SPECC1: variants seen among roughly 807,000 people sequenced by gnomAD.
SPECC1 encodes the protein sperm antigen with calponin homology and coiled-coil domains 1.
SPECC1 carries 62 observed loss-of-function variants against 104.1 expected under a neutral mutation model. That is an observed-to-expected ratio of 0.60 (90% CI 0.49 to 0.74). SPECC1 has a LOEUF of 0.74. SPECC1 is among the 30% of genes least tolerant of loss of function. The probability of loss-of-function intolerance (pLI) is 0.00; values close to 1 mark genes in which losing one functional copy is unlikely to be tolerated. For missense variants in SPECC1, 1,306 were observed against 1,310.5 expected (o/e 1.00, Z 0.05); for synonymous variants, 513 against 501.6 (o/e 1.02, Z -0.30).
chr17:20,203,987 A>T (rs59414058), intron 3 of SPECC1, among the ~76,000 whole-genome samples: 1 of 152,128 alleles, frequency 6.6e-6, no homozygotes, highest in Non-Finnish European at 1.5e-5. Context: ...CCACACCTAC[A>T]CATTTTCTCA....
At chr17:20,258,690 C>CTTTATG (rs2039920751) in intron 11 of SPECC1, among the ~76,000 whole-genome samples, 1 of 152,234 alleles carries the variant, frequency 6.6e-6, no homozygotes, top group Non-Finnish European at 1.5e-5. Flanking sequence ...GATTGCAAGT[C>CTTTATG]TTTATGTATA....
intron 1 of SPECC1, among the ~76,000 whole-genome samples, chr17:20,023,446 G>A (rs2044474343): frequency 6.6e-6 from 1 of 152,180 alleles, no homozygotes; most frequent in South Asian, 2.1e-4. Flanking sequence ...TAATGTCTGG[G>A]TGGGGAGACA....
In SPECC1 at chr17:20,212,014, G is replaced by A. The variant is rs190457529; in HGVS notation, c.1863+6102G>A. ...GCGTGGGGCCTTGTTGCTTCGAAAGGTCCCTACCAGGGTACAGCCACTGCT... is the reference window on the plus strand; with the variant it reads ...GCGTGGGGCCTTGTTGCTTCGAAAGATCCCTACCAGGGTACAGCCACTGCT... On this transcript the variant is annotated intron_variant, in intron 4 of 14. Transcript: ENST00000395527. Among the ~76,000 whole-genome samples the A allele has an allele frequency of 7.6e-3, 1,160 of 152,294 alleles. 17 individuals are homozygous for A. Among genetic ancestry groups the A allele is most frequent in the African/African-American group, 0.027 (1,105 of 41,554 alleles).
At chr17:20,093,580 G>A (rs1263451434) in intron 1 of SPECC1, among the ~76,000 whole-genome samples, 1 of 152,152 alleles carries the variant, frequency 6.6e-6, no homozygotes, top group Non-Finnish European at 1.5e-5. Flanking sequence ...GAGGGATGTA[G>A]AAGTGGTGGG....
chr17:20,167,434 C>A (rs1021120430), intron 3 of SPECC1, among the ~76,000 whole-genome samples: 8 of 152,134 alleles, frequency 5.3e-5, no homozygotes, highest in African/African-American at 1.9e-4. Flanking sequence ...AATCCTAGCA[C>A]TTTGGGAGGC....
chr17:20,292,659 T>G (rs2041211706), intron 12 of SPECC1, among the ~76,000 whole-genome samples: 1 of 152,156 alleles, frequency 6.6e-6, no homozygotes, highest in Non-Finnish European at 1.5e-5. Context: ...TGTCCAGGTT[T>G]CATCAGGTAG....
intron 4 of SPECC1, among the ~76,000 whole-genome samples, chr17:20,224,830 C>G (rs1418782405): frequency 2.6e-5 from 4 of 151,942 alleles, no homozygotes; most frequent in African/African-American, 9.7e-5. Flanking sequence ...AGATGAAGTC[C>G]CCTTTACTCT....
At chr17:20,139,934 A>G (rs1164616744) in intron 3 of SPECC1, among the ~76,000 whole-genome samples, 2 of 152,082 alleles carry the variant, frequency 1.3e-5, no homozygotes, top group African/African-American at 4.8e-5. Flanking sequence ...TCAGCCTCCC[A>G]AAGTGCCGGG....
At position 20,205,449 on chromosome 17, in the gene SPECC1, A is replaced by G; in HGVS notation, c.1400A>G (p.Glu467Gly). The stretch of plus-strand genomic sequence containing the variant: ...CAGGAAGGAAAAATTATTGAACTGG[A>G]GCAGAAGTGCACAGGTATTCTTGAA... ...TTQEGKIIEL[E>G]QKCTGILEQG... The change falls in exon 4 of 15, where the codon GAG becomes GGG. Residue 467 changes from glutamate (E) to glycine (G), a missense_variant. Glu to Gly is a moderately conservative substitution (Grantham distance 98). Transcript: ENST00000395527. 6.2e-7 allele frequency: 1 copy of G among 1,614,140 alleles called. No individual in the cohort carries two copies.
chr17:20,302,106 C>T (rs1362591778), intron 13 of SPECC1, among the ~76,000 whole-genome samples: 1 of 152,224 alleles, frequency 6.6e-6, no homozygotes, highest in Non-Finnish European at 1.5e-5. Context: ...GTGGACTGGA[C>T]CTTGCTTATG....
In SPECC1 at chr17:20,195,273, AAGCTTTAGGAC is replaced by A. The variant is rs369362492; in HGVS notation, c.284-9056_284-9046del. On this transcript the variant is annotated intron_variant, in intron 3 of 14. Coordinates refer to ENST00000395527, the MANE Select transcript of SPECC1 (RefSeq NM_001243439.2). Reference sequence around the variant, plus strand: ...AAGACAGTCATCTCTGGATGATAAAAAGCTTTAGGACAGCCACTATTAAAGCCACATTTGAT... The same window carrying A: ...AAGACAGTCATCTCTGGATGATAAAAAGCCACTATTAAAGCCACATTTGAT... Among the ~76,000 whole-genome samples, 237 of 152,310 alleles carry A rather than the reference AAGCTTTAGGAC, an allele frequency of 1.6e-3. 1 individual carries two copies. The highest frequency in any genetic ancestry group is 5.6e-3 in the African/African-American group (231 of 41,566).
At chr17:20,170,440 C>T (rs1166248631) in intron 3 of SPECC1, among the ~76,000 whole-genome samples, 1 of 152,144 alleles carries the variant, frequency 6.6e-6, no homozygotes, top group East Asian at 1.9e-4. Context: ...GTACCACAAA[C>T]TTCCAGAAAG....
At chr17:20,070,800 G>A (rs1330804792) in intron 1 of SPECC1, among the ~76,000 whole-genome samples, 1 of 151,468 alleles carries the variant, frequency 6.6e-6, no homozygotes, top group Admixed American at 6.6e-5. Flanking sequence ...TCTTGTCATT[G>A]ACATTTTCAA....
rs573089895 is a variant in SPECC1, at chr17:20,023,473, A to G, written c.-22+14049A>G. Reference sequence around the variant, plus strand: ...GGGGAGACAGATGAGGGAGCAGGCAATTACTAAAGAGGATGGCAGGCCAGG... The same window carrying G: ...GGGGAGACAGATGAGGGAGCAGGCAGTTACTAAAGAGGATGGCAGGCCAGG... On this transcript the variant is annotated intron_variant, in intron 1 of 14. Transcript: ENST00000395527. Among the ~76,000 whole-genome samples, 53 of 152,280 alleles carry G rather than the reference A, an allele frequency of 3.5e-4. No individual in the cohort carries two copies. In the South Asian group the frequency reaches 9.6e-3, roughly 27 times the overall value.
At chr17:20,280,003 G>A (rs977719520) in intron 12 of SPECC1, among the ~76,000 whole-genome samples, 2 of 152,200 alleles carry the variant, frequency 1.3e-5, no homozygotes, top group African/African-American at 4.8e-5. Context: ...CATGTGTGTT[G>A]TTGGGAGGTG....
At chr17:20,100,166 C>T (rs925059418) in intron 2 of SPECC1, among the ~76,000 whole-genome samples, 1 of 152,140 alleles carries the variant, frequency 6.6e-6, no homozygotes, top group Non-Finnish European at 1.5e-5. Flanking sequence ...GCCTTCTGCT[C>T]TCCTTCCCGA....
intron 12 of SPECC1, among the ~76,000 whole-genome samples, chr17:20,281,044 G>A (rs2040753162): frequency 6.6e-6 from 1 of 152,182 alleles, no homozygotes; most frequent in Admixed American, 6.5e-5. Flanking sequence ...CCTCTTTAGA[G>A]CATCGGACAT....
chr17:20,294,545 G>T (rs76007343), intron 12 of SPECC1, among the ~76,000 whole-genome samples: 2 of 152,078 alleles, frequency 1.3e-5, no homozygotes, highest in Non-Finnish European at 2.9e-5. Context: ...TGCTTGTTGC[G>T]AATTGGGGTT....
chr17:20,215,693 A>T (rs1473288768), intron 4 of SPECC1, among the ~76,000 whole-genome samples: 1 of 152,202 alleles, frequency 6.6e-6, no homozygotes, highest in Non-Finnish European at 1.5e-5. Context: ...AATAACTAAC[A>T]CTGAAATGTT....
Sources: allele counts gnomAD v4.1 joint callset (sites outside exome capture counted in the v4.1 genomes callset), GRCh38; gene constraint gnomAD v4.1.1; transcripts MANE v1.5; gene names NCBI Gene and HGNC (gene_info 2026-07-23, HGNC 2026-07-21).